Variants in GBF1 observed in about 807,000 individuals in gnomAD.
GBF1 encodes the protein golgi brefeldin A resistant guanine nucleotide exchange factor 1, also known as Golgi-specific brefeldin A-resistance guanine nucleotide exchange factor 1.
A neutral mutation model predicts 210.5 loss-of-function variants in GBF1; 114 were observed. The ratio of observed to expected loss-of-function variants is 0.54; its 90% CI spans 0.47 to 0.63. GBF1 has a LOEUF of 0.63. Ranked by LOEUF, GBF1 falls within the 30% of genes least tolerant of loss-of-function variation. GBF1 has a pLI of 0.00. For missense variants in GBF1, 1,851 were observed against 2,357.7 expected (o/e 0.79, Z 4.45); for synonymous variants, 850 against 889.2 (o/e 0.96, Z 0.78).
At chr10:102,272,076 G>A (rs57488906) in intron 3 of GBF1, among the ~76,000 whole-genome samples, 1 of 151,618 alleles carries the variant, frequency 6.6e-6, no homozygotes, top group African/African-American at 2.4e-5. Flanking sequence ...TATCACCACA[G>A]GAAGCACATC....
intron 3 of GBF1, among the ~76,000 whole-genome samples, chr10:102,317,560 T>A (rs2134091313): frequency 6.6e-6 from 1 of 152,214 alleles, no homozygotes; most frequent in Middle Eastern, 3.4e-3. Context: ...CGGAGGTTGC[T>A]GTGGCCAAAA....
chr10:102,254,826 A>G (rs898456141), intron 1 of GBF1, among the ~76,000 whole-genome samples: 6 of 152,108 alleles, frequency 3.9e-5, no homozygotes, highest in African/African-American at 1.4e-4. Context: ...CGTTTCTACT[A>G]TACTTTTATG....
chr10:102,267,254 C>T (rs2073953490), intron 3 of GBF1, among the ~76,000 whole-genome samples: 1 of 152,170 alleles, frequency 6.6e-6, no homozygotes, highest in South Asian at 2.1e-4. Context: ...CCTGTAATCC[C>T]AGCACTTTGG....
At chr10:102,257,180 A>G (rs1301745113) in intron 1 of GBF1, among the ~76,000 whole-genome samples, 6 of 152,228 alleles carry the variant, frequency 3.9e-5, no homozygotes, top group African/African-American at 1.2e-4. Flanking sequence ...TTATATTTAC[A>G]TATCATATTA....
chr10:102,380,312 A>AT lies in GBF1; in HGVS notation c.4943dup (p.Asp1650GlyfsTer21), dbSNP rs1565190382. ...TACCTTTGCGGCCCTCTGGCTCACC[A>AT]TCTTGGACTTCATGGACAAGTACAT... On this transcript the variant is annotated frameshift_variant, in exon 37 of 40. Transcript: ENST00000369983. LOFTEE classifies it high-confidence loss of function. The AT allele has an allele frequency of 9.9e-6, 16 of 1,613,984 alleles. No individual in the cohort carries two copies. Among genetic ancestry groups the AT allele is most frequent in the Non-Finnish European group, 1.4e-5 (16 of 1,179,942 alleles).
At position 102,382,146 on chromosome 10, in the gene GBF1, C is replaced by A. The variant is rs200375445; in HGVS notation, c.5393C>A (p.Pro1798His). The A allele has an allele frequency of 1.7e-5, 28 of 1,612,034 alleles. No individual in the cohort carries two copies. The highest frequency in any genetic ancestry group is 2.3e-5 in the Non-Finnish European group (27 of 1,178,690). Residue 1798 changes from proline (P) to histidine (H), a missense_variant, in exon 40 of 40, where the codon CCC becomes CAC. Pro to His is a moderately conservative substitution (Grantham distance 77). Coordinates refer to ENST00000369983, the MANE Select transcript of GBF1 (RefSeq NM_001377137.1). ...AGCCCCAGCAGGCTGAGCCCCACCC[C>A]CGACGGGCCTCCACCCTTGGCTCAG... ...ASSPSRLSPT[P>H]DGPPPLAQPP...
intron 3 of GBF1, among the ~76,000 whole-genome samples, chr10:102,338,213 G>A (rs2057904419): frequency 6.7e-6 from 1 of 148,260 alleles, no homozygotes; most frequent in African/African-American, 2.5e-5. Context: ...TATCTTAGCA[G>A]TCATAGATTC....
chr10:102,298,748 G>A (rs1454750170), intron 3 of GBF1, among the ~76,000 whole-genome samples: 2 of 152,162 alleles, frequency 1.3e-5, no homozygotes, highest in Non-Finnish European at 2.9e-5. Context: ...CTTGTGTAAG[G>A]TCACATACTT....
intron 3 of GBF1, among the ~76,000 whole-genome samples, chr10:102,312,299 AAAAAAAAAAAAG>A (rs2078523901): frequency 6.6e-6 from 1 of 151,720 alleles, no homozygotes; most frequent in Non-Finnish European, 1.5e-5. Flanking sequence ...GTCTCAGAAA[AAAAAAAAAAAAG>A]AAAGAAAATG....
chr10:102,237,124 C>T, the GBF1 span, among the ~76,000 whole-genome samples: 4 of 152,220 alleles, frequency 2.6e-5, no homozygotes, highest in South Asian at 6.2e-4. Context: ...TAAGAGGGAT[C>T]CCAAGAACAG....
chr10:102,320,162 T>A (rs968387123), intron 3 of GBF1, among the ~76,000 whole-genome samples: 9 of 152,202 alleles, frequency 5.9e-5, no homozygotes, highest in African/African-American at 2.2e-4. Context: ...CTTTTTATTC[T>A]ATACTGACAC....
At chr10:102,259,503 C>T (rs1455363488) in intron 2 of GBF1, among the ~76,000 whole-genome samples, 1 of 152,090 alleles carries the variant, frequency 6.6e-6, no homozygotes, top group Non-Finnish European at 1.5e-5. Context: ...ACCTGTTATA[C>T]AGTTGGCTTT....
At chr10:102,263,373 G>A (rs577428147) in intron 3 of GBF1, among the ~76,000 whole-genome samples, 3 of 152,262 alleles carry the variant, frequency 2.0e-5, no homozygotes, top group Non-Finnish European at 4.4e-5. Flanking sequence ...ATTGGAGGAG[G>A]GATAGCAGGA....
chr10:102,339,128 C>T (rs905846025), intron 3 of GBF1, among the ~76,000 whole-genome samples: 1 of 152,054 alleles, frequency 6.6e-6, no homozygotes, highest in African/African-American at 2.4e-5. Context: ...TTTGGAAGGC[C>T]GAGACGGGTG....
chr10:102,290,972 A>G (rs1020961938), intron 3 of GBF1, among the ~76,000 whole-genome samples: 4 of 152,062 alleles, frequency 2.6e-5, no homozygotes, highest in Non-Finnish European at 5.9e-5. Flanking sequence ...AATTACTAGC[A>G]TTTTCTCAAG....
Position 102,248,294 on chromosome 10 carries a change from A to G in GBF1, c.-11+2513A>G, listed in dbSNP as rs367789047. ...GCTGTTACTCTTTTTTTTTTTTAAT[A>G]TTTCAGTATGTTCAACTGCAGTTGT... On this transcript the variant is annotated intron_variant, in intron 1 of 39. Coordinates refer to ENST00000369983, the MANE Select transcript of GBF1 (RefSeq NM_001377137.1). Among the ~76,000 whole-genome samples, 25 of 149,810 alleles carry G rather than the reference A, an allele frequency of 1.7e-4. 1 individual carries two copies. The South Asian group carries it at 4.4e-3, about 26-fold the overall frequency.
chr10:102,341,738 A>G (rs1432688449), intron 3 of GBF1, among the ~76,000 whole-genome samples: 1 of 152,240 alleles, frequency 6.6e-6, no homozygotes, highest in Admixed American at 6.5e-5. Flanking sequence ...AAAGAAAAGA[A>G]TTAATTTTAC....
chr10:102,283,786 A>C (rs774782390), intron 3 of GBF1, among the ~76,000 whole-genome samples: 2 of 152,340 alleles, frequency 1.3e-5, no homozygotes, highest in Non-Finnish European at 2.9e-5. Flanking sequence ...TCAGAATGCA[A>C]AACAGGAGAC....
chr10:102,247,750 C>G (rs1189054433), intron 1 of GBF1, among the ~76,000 whole-genome samples: 1 of 152,082 alleles, frequency 6.6e-6, no homozygotes, highest in Non-Finnish European at 1.5e-5. Context: ...CCTTCAAATA[C>G]AAGTCCCAAG....
Sources: allele counts gnomAD v4.1 joint callset (sites outside exome capture counted in the v4.1 genomes callset), GRCh38; gene constraint gnomAD v4.1.1; transcripts MANE v1.5; gene names NCBI Gene and HGNC (gene_info 2026-07-23, HGNC 2026-07-21).